Variants in TRIOBP observed in about 807,000 individuals in gnomAD.
TRIOBP encodes TRIO and F-actin-binding protein.
In TRIOBP, 169 loss-of-function variants were observed where a neutral mutation model predicts 238.8. The ratio of observed to expected loss-of-function variants is 0.71; its 90% CI spans 0.62 to 0.80. TRIOBP has a LOEUF of 0.80. Ranked by LOEUF, TRIOBP falls within the 30% of genes least tolerant of loss-of-function variation. The pLI is 0.00. For synonymous variants in TRIOBP, 1,150 were observed against 1,274.4 expected, an observed-to-expected ratio of 0.90 and a Z score of 2.08; for missense variants, 2,838 against 3,122.6, an observed-to-expected ratio of 0.91 and a Z score of 2.17.
In TRIOBP at chr22:37,726,032, A is replaced by ACATC; in HGVS notation, c.3478_3481dup (p.Pro1161HisfsTer24). ...ATGGACTCTCTGCACGAGTGCCCCC[A>ACATC]CATCCCCACCCCTGTGTGCATTGGG... is the stretch of plus-strand genomic sequence containing the variant. On this transcript the variant is annotated frameshift_variant, in exon 7 of 24. Coordinates refer to ENST00000644935, the MANE Select transcript of TRIOBP (RefSeq NM_001039141.3). LOFTEE classifies it high-confidence loss of function. 6.2e-7 allele frequency: 1 copy of ACATC among 1,609,490 alleles called. No individual in the cohort carries two copies. Among genetic ancestry groups the ACATC allele is most frequent in the Non-Finnish European group, 8.5e-7 (1 of 1,178,438 alleles).
chr22:37,732,509 CAAAA>C (rs36003951), intron 7 of TRIOBP, among the ~76,000 whole-genome samples: 3 of 99,860 alleles, frequency 3.0e-5, no homozygotes, highest in African/African-American at 1.2e-4. Flanking sequence ...GACTCCATCT[CAAAA>C]AAAAAAAAAA....
In TRIOBP at chr22:37,726,429, G is replaced by T. The variant is rs573353902; in HGVS notation, c.3873G>T (p.Ala1291=). The change falls in exon 7 of 24, where the codon GCG becomes GCT. Residue 1291 remains alanine, a synonymous_variant. Coordinates refer to ENST00000644935, the MANE Select transcript of TRIOBP (RefSeq NM_001039141.3). ...RLAQRQPGPQ[A]QCSSGGRTHS... ...CCCAGAGACAGCCAGGGCCCCAGGC[G>T]CAGTGCAGCAGCGGGGGCCGCACCC... is the stretch of plus-strand genomic sequence containing the variant. 3.8e-6 allele frequency: 6 copies of T among 1,583,014 alleles called. No homozygotes were observed. In the African/African-American group the frequency reaches 4.0e-5, roughly 11 times the overall value.
intron 6 of TRIOBP, among the ~76,000 whole-genome samples, chr22:37,720,950 C>T (rs988711135): frequency 1.3e-5 from 2 of 151,888 alleles, no homozygotes; most frequent in African/African-American, 2.4e-5. Flanking sequence ...CTCCACCTCC[C>T]GGGTTCAAGC....
rs199937414 is a variant in TRIOBP at position 37,772,571 on chromosome 22, A to G, written c.6937-30A>G. 5.1e-5 allele frequency: 82 copies of G among 1,613,728 alleles called. No homozygotes were observed. The African/African-American group carries it at 9.2e-4, about 18-fold the overall frequency. ...TGGCAGGGCTGGAGGGAGAGACTTC[A>G]TGCCCTCATACCTGCCTCCTGCCCC... On this transcript the variant is annotated intron_variant, in intron 22 of 23. Coordinates refer to ENST00000644935, the MANE Select transcript of TRIOBP (RefSeq NM_001039141.3).
At chr22:37,736,290 C>T (rs1924666921) in intron 9 of TRIOBP, among the ~76,000 whole-genome samples, 1 of 152,190 alleles carries the variant, frequency 6.6e-6, no homozygotes, top group Non-Finnish European at 1.5e-5. Context: ...ACCAGCCTCT[C>T]TCTCTCTCTG....
chr22:37,771,953 T>A, intron 22 of TRIOBP: 1 of 672,230 alleles, frequency 1.5e-6, no homozygotes, highest in Non-Finnish European at 2.7e-6. Context: ...ACTTGGCTTC[T>A]GTTTATTTAG....
At chr22:37,737,302 C>T (rs940766883) in intron 9 of TRIOBP, among the ~76,000 whole-genome samples, 2 of 152,152 alleles carry the variant, frequency 1.3e-5, no homozygotes, top group South Asian at 4.1e-4. Context: ...AGGAATTTCA[C>T]AGATGACAAA....
intron 3 of TRIOBP, among the ~76,000 whole-genome samples, chr22:37,703,808 A>G (rs1922786593): frequency 6.6e-6 from 1 of 151,960 alleles, no homozygotes; most frequent in African/African-American, 2.4e-5. Flanking sequence ...CCCAGCTTCT[A>G]CCAGTCTTGA....
At chr22:37,737,457 C>T (rs1159831833) in intron 9 of TRIOBP, among the ~76,000 whole-genome samples, 6 of 151,892 alleles carry the variant, frequency 4.0e-5, no homozygotes, top group Non-Finnish European at 8.8e-5. Flanking sequence ...CTCAGGAGAT[C>T]GACACCAGCC....
At chr22:37,702,634 C>CTTTTTTTTTTTTTTTTTTTT (rs34625454) in intron 3 of TRIOBP, among the ~76,000 whole-genome samples, 7 of 81,196 alleles carry the variant, frequency 8.6e-5, no homozygotes, top group African/African-American at 2.5e-4. Flanking sequence ...TTCTCTCTCT[C>CTTTTTTTTTTTTTTTTTTTT]TTTTTTTTTT....
intron 6 of TRIOBP, among the ~76,000 whole-genome samples, chr22:37,720,079 G>A (rs1276321906): frequency 7.8e-6 from 1 of 128,774 alleles, no homozygotes; most frequent in Non-Finnish European, 1.5e-5. Flanking sequence ...GCGCAGTCTC[G>A]GCTCACTGCA....
chr22:37,773,016 C>T (rs1384545097), intron 23 of TRIOBP, among the ~76,000 whole-genome samples: 1 of 152,226 alleles, frequency 6.6e-6, no homozygotes, highest in Non-Finnish European at 1.5e-5. Context: ...ACAGCCTACT[C>T]AGTGCACCCC....
rs1360863246 is a variant in TRIOBP, at chr22:37,735,230, G to A, written c.4894G>A (p.Gly1632Ser). The A allele has an allele frequency of 1.2e-6, 2 of 1,605,730 alleles. No individual in the cohort carries two copies. Among genetic ancestry groups the A allele is most frequent in the Middle Eastern group, 3.3e-4 (2 of 6,044 alleles). Residue 1632 changes from glycine (G) to serine (S), a missense_variant, in exon 9 of 24, where the codon GGC becomes AGC. This residue lies in a region of TRIOBP where 2,096 missense variants were observed against 2,137.4 expected (regional missense o/e 0.98). Transcript: ENST00000644935. Reference sequence around the variant, plus strand: ...GCAGGAGTCACACAGCCAGCCAGAAGGCTGGGCCGAGGCCACCCCAGTCAA... The same window carrying A: ...GCAGGAGTCACACAGCCAGCCAGAAAGCTGGGCCGAGGCCACCCCAGTCAA... ...PEQESHSQPEGWAEATPVNGH... is the reference protein window; with the variant it reads ...PEQESHSQPESWAEATPVNGH...
At chr22:37,752,906 T>C (rs1925700185) in intron 12 of TRIOBP, among the ~76,000 whole-genome samples, 1 of 152,224 alleles carries the variant, frequency 6.6e-6, no homozygotes, top group East Asian at 1.9e-4. Flanking sequence ...ATGAGGGTGT[T>C]GGTCTCTTCC....
In TRIOBP at chr22:37,724,435, T is replaced by C. The variant is rs1283546786; in HGVS notation, c.1879T>C (p.Ser627Pro). ...AGCCACACGAGATAACCCCAGAACATCCTGTGCCCAGCGGGACAATCCCAG... is the reference window on the plus strand; with the variant it reads ...AGCCACACGAGATAACCCCAGAACACCCTGTGCCCAGCGGGACAATCCCAG... ...NRATRDNPRT[S>P]CAQRDNPRAS... Residue 627 changes from serine (S) to proline (P), a missense_variant, in exon 7 of 24, where the codon TCC becomes CCC. By Grantham distance (74) the Ser-to-Pro change is moderately conservative (BLOSUM62 -1). Coordinates refer to ENST00000644935, the MANE Select transcript of TRIOBP (RefSeq NM_001039141.3). 1.2e-6 allele frequency: 2 copies of C among 1,608,134 alleles called. No individual in the cohort carries two copies. The highest frequency in any genetic ancestry group is 1.7e-5 in the Admixed American group (1 of 59,320).
At chr22:37,735,557 T>C in intron 9 of TRIOBP, 115 bp downstream of exon 9, 1 of 1,260,136 alleles carries the variant, frequency 7.9e-7, no homozygotes, top group Non-Finnish European at 1.1e-6. Context: ...CCCTCCAGGC[T>C]CAGACCTCAG....
intron 11 of TRIOBP, among the ~76,000 whole-genome samples, chr22:37,750,142 A>G (rs1168939902): frequency 6.6e-6 from 1 of 152,162 alleles, no homozygotes; most frequent in Non-Finnish European, 1.5e-5. Flanking sequence ...CACATCAGGC[A>G]GCCAGGACTC....
At position 37,734,771 on chromosome 22, in the gene TRIOBP, G is replaced by T; in HGVS notation, c.4435G>T (p.Gly1479Cys). 6.2e-7 allele frequency: 1 copy of T among 1,612,288 alleles called. No individual in the cohort carries two copies. Among genetic ancestry groups the T allele is most frequent in the South Asian group, 1.1e-5 (1 of 91,038 alleles). The stretch of plus-strand genomic sequence containing the variant: ...CAAAGCCCCGGAGGGAGCATGGGGG[G>T]GCACTTCCAGGGAGTACAAGGAGAG... ...AAKAPEGAWGGTSREYKESWG... is the reference protein window; with the variant it reads ...AAKAPEGAWGCTSREYKESWG... Residue 1479 changes from glycine to cysteine, a missense_variant, in exon 9 of 24, where the codon GGC (glycine) becomes TGC (cysteine). Around this residue, in one of 5 missense-constraint regions of TRIOBP, gnomAD observed 2,096 missense variants for 2,137.4 expected, o/e 0.98. Transcript: ENST00000644935.
chr22:37,745,892 C>G lies in TRIOBP; in HGVS notation c.5322+4860C>G, dbSNP rs550310675. Among the ~76,000 whole-genome samples, 17 of 152,226 alleles carry G rather than the reference C, an allele frequency of 1.1e-4. 1 individual carries two copies. The East Asian group carries it at 1.7e-3, about 16-fold the overall frequency. ...GGAAGCGCAGCCTGGGCGAGTCGTG[C>G]CCACGCCCGGCCGCCCGCATCCTCC... On this transcript the variant is annotated intron_variant, in intron 11 of 23. Coordinates refer to ENST00000644935, the MANE Select transcript of TRIOBP (RefSeq NM_001039141.3).
Sources: allele counts gnomAD v4.1 joint callset (sites outside exome capture counted in the v4.1 genomes callset), GRCh38; gene constraint gnomAD v4.1.1; regional missense constraint gnomAD v4.1.1; transcripts MANE v1.5; gene names NCBI Gene and HGNC (gene_info 2026-07-23, HGNC 2026-07-21).